Variants in GLIS3 observed in about 807,000 individuals in gnomAD.
GLIS3 encodes GLIS family zinc finger 3, also known as zinc finger protein GLIS3.
In GLIS3, 53 loss-of-function variants were observed where a neutral mutation model predicts 78.6. That is an observed-to-expected ratio of 0.67 (90% confidence interval 0.54 to 0.85). The LOEUF is 0.85. Among genes scored for constraint, GLIS3 ranks in the 40% least tolerant of loss-of-function variants. The pLI is 0.00. For synonymous variants in GLIS3, 684 were observed against 509.9 expected, an observed-to-expected ratio of 1.34 and a Z score of -4.60; for missense variants, 1,703 against 1,231.1, an observed-to-expected ratio of 1.38 and a Z score of -5.74.
chr9:4,040,477 G>C (rs1222264405), intron 4 of GLIS3, among the ~76,000 whole-genome samples: 1 of 152,076 alleles, frequency 6.6e-6, no homozygotes, highest in East Asian at 1.9e-4. Flanking sequence ...AGACATCCCC[G>C]CTGATAGTAT....
intron 2 of GLIS3, among the ~76,000 whole-genome samples, chr9:4,333,320 G>C (rs1000388228): frequency 2.0e-5 from 3 of 150,230 alleles, no homozygotes; most frequent in African/African-American, 2.5e-5. Flanking sequence ...AGGAAAGCAA[G>C]GGGAAGGGAA....
intron 4 of GLIS3, among the ~76,000 whole-genome samples, chr9:3,973,706 A>G (rs968449532): frequency 6.6e-6 from 1 of 152,184 alleles, no homozygotes; most frequent in African/African-American, 2.4e-5. Flanking sequence ...TCTAAGAATA[A>G]ATATCTCTAA....
the GLIS3 span, among the ~76,000 whole-genome samples, chr9:4,442,932 T>A: frequency 1.3e-5 from 2 of 152,070 alleles, no homozygotes; most frequent in African/African-American, 4.8e-5. Context: ...CCTAGGGTGA[T>A]AATTGAGGTG....
the GLIS3 span, among the ~76,000 whole-genome samples, chr9:4,375,978 A>T: frequency 3.9e-5 from 6 of 152,308 alleles, no homozygotes; most frequent in African/African-American, 1.4e-4. Context: ...GTTCATCTGT[A>T]AAAGAAAGTG....
intron 2 of GLIS3, among the ~76,000 whole-genome samples, chr9:4,128,377 T>C (rs551876489): frequency 3.1e-4 from 47 of 152,362 alleles, no homozygotes; most frequent in African/African-American, 1.1e-3. Flanking sequence ...CTCACTTTTA[T>C]ACTTCACTGC....
In GLIS3 at chr9:4,286,021, C is replaced by A; in HGVS notation, c.388+17G>T. 6.2e-7 allele frequency: 1 copy of A among 1,614,034 alleles called. No individual in the cohort carries two copies. The highest frequency in any genetic ancestry group is 1.1e-5 in the South Asian group (1 of 91,068). ...AATCGTTTCCATTTTTAAAAGGTTC[C>A]AGAAAGACAATCCTACCTTTCCCAG... is the stretch of plus-strand genomic sequence containing the variant. On this transcript the variant is annotated intron_variant, in intron 2 of 10. Transcript: ENST00000381971.
chr9:3,829,315 A>G lies in GLIS3; in HGVS notation c.2651T>C (p.Ile884Thr), dbSNP rs1180055765. Reference sequence around the variant, plus strand: ...GTCACAGACAACCAACACACCTGTAATGCCCGAGTGAGTCGAGAAGGCTCT... The same window carrying G: ...GTCACAGACAACCAACACACCTGTAGTGCCCGAGTGAGTCGAGAAGGCTCT... ...FHRAFSTHSG[I>T]TVYDLPSSSS... Residue 884 changes from isoleucine (I) to threonine (T), a missense_variant, in exon 10 of 11, where the codon ATT becomes ACT. By Grantham distance (89) the Ile-to-Thr change is moderately conservative. Transcript: ENST00000381971. 2 of 1,613,796 alleles carry G rather than the reference A, an allele frequency of 1.2e-6. No homozygotes were observed. Among genetic ancestry groups the G allele is most frequent in the East Asian group, 2.2e-5 (1 of 44,848 alleles).
chr9:4,379,796 T>C, the GLIS3 span, among the ~76,000 whole-genome samples: 5,312 of 152,300 alleles, frequency 0.035, 316 homozygotes, highest in African/African-American at 0.12. Flanking sequence ...AGAAAGGAGC[T>C]CACTTTGCTT....
intron 2 of GLIS3, among the ~76,000 whole-genome samples, chr9:4,185,595 C>A (rs1817715186): frequency 6.6e-6 from 1 of 151,236 alleles, no homozygotes; most frequent in Admixed American, 6.6e-5. Context: ...ATGGCACATT[C>A]AAATTACAAT....
At chr9:4,202,572 T>C (rs531900119) in intron 2 of GLIS3, among the ~76,000 whole-genome samples, 5 of 152,240 alleles carry the variant, frequency 3.3e-5, no homozygotes, top group African/African-American at 1.2e-4. Context: ...CAAACCTTAC[T>C]ATAAGGCTAC....
chr9:4,368,733 C>T, the GLIS3 span, among the ~76,000 whole-genome samples: 1 of 152,190 alleles, frequency 6.6e-6, no homozygotes, highest in Non-Finnish European at 1.5e-5. Flanking sequence ...GCCTCTGAAC[C>T]TTGGCTCCTC....
the GLIS3 span, among the ~76,000 whole-genome samples, chr9:4,461,621 T>C: frequency 6.6e-6 from 1 of 152,212 alleles, no homozygotes; most frequent in Non-Finnish European, 1.5e-5. Context: ...CCTCCTTGAC[T>C]TCAGGCTTGG....
chr9:4,095,831 C>G (rs74691218), intron 4 of GLIS3, among the ~76,000 whole-genome samples: 1,804 of 152,268 alleles, frequency 0.012, 33 homozygotes, highest in African/African-American at 0.041. Context: ...CTGCCAACAA[C>G]TCCACAAGGT....
intron 2 of GLIS3, among the ~76,000 whole-genome samples, chr9:4,312,048 C>G (rs778303142): frequency 2.0e-5 from 3 of 152,180 alleles, no homozygotes; most frequent in Non-Finnish European, 4.4e-5. Flanking sequence ...GGCTTAGAAT[C>G]TGGGTCACAA....
At chr9:3,901,548 A>C (rs1396857540) in intron 6 of GLIS3, among the ~76,000 whole-genome samples, 1 of 152,206 alleles carries the variant, frequency 6.6e-6, no homozygotes, top group Non-Finnish European at 1.5e-5. Flanking sequence ...ATCAGAAAGA[A>C]AGACAAACAC....
At chr9:4,251,759 T>C (rs1452201116) in intron 2 of GLIS3, among the ~76,000 whole-genome samples, 1 of 152,198 alleles carries the variant, frequency 6.6e-6, no homozygotes, top group African/African-American at 2.4e-5. Flanking sequence ...TTCCTTTCCA[T>C]GTTTAGTGCT....
At chr9:4,392,462 G>C in the GLIS3 span, among the ~76,000 whole-genome samples, 3 of 152,164 alleles carry the variant, frequency 2.0e-5, no homozygotes, top group Non-Finnish European at 4.4e-5. Flanking sequence ...GGATGCACTA[G>C]TCTAGGTAGA....
chr9:4,162,754 G>C (rs1449163700), intron 2 of GLIS3, among the ~76,000 whole-genome samples: 1 of 151,396 alleles, frequency 6.6e-6, no homozygotes. Context: ...CTAGTCAGGA[G>C]GCTGAGGCAG....
chr9:4,192,009 T>C (rs1818375872), intron 2 of GLIS3, among the ~76,000 whole-genome samples: 1 of 152,170 alleles, frequency 6.6e-6, no homozygotes, highest in Admixed American at 6.5e-5. Context: ...TATATATCTT[T>C]ACATTTGATT....
Sources: gnomAD v4.1 joint callset for allele counts (sites outside exome capture counted in the v4.1 genomes callset) on GRCh38, gnomAD v4.1.1 for gene constraint, MANE v1.5 for transcripts, NCBI Gene and HGNC (gene_info 2026-07-23, HGNC 2026-07-21) for gene names.